Variants in GALNT17 observed in about 807,000 individuals in gnomAD.
GALNT17 encodes UDP-GalNAc:polypeptide N-acetylgalactosaminyltransferase-like 3.
In GALNT17, 29 loss-of-function variants were observed where a neutral mutation model predicts 63.7. That is an observed-to-expected ratio of 0.46 (90% CI 0.34 to 0.62). The LOEUF is 0.62. GALNT17 is among the 20% of genes least tolerant of loss of function. The probability of loss-of-function intolerance (pLI) is 0.01; values close to 1 mark genes in which losing one functional copy is unlikely to be tolerated. For synonymous variants in GALNT17, 305 were observed against 318.3 expected, an observed-to-expected ratio of 0.96 and a Z score of 0.45; for missense variants, 603 against 799.6, an observed-to-expected ratio of 0.75 and a Z score of 2.97.
At chr7:71,688,907 G>A (rs551094811) in intron 9 of GALNT17, among the ~76,000 whole-genome samples, 1 of 152,256 alleles carries the variant, frequency 6.6e-6, no homozygotes, top group South Asian at 2.1e-4. Context: ...GTGGCAACGT[G>A]ACATCGAGCA....
At chr7:71,187,360 G>C (rs1012312429) in intron 1 of GALNT17, among the ~76,000 whole-genome samples, 11 of 150,166 alleles carry the variant, frequency 7.3e-5, no homozygotes, top group African/African-American at 2.2e-4. Context: ...GGCCTCAAGC[G>C]ATCCTCCCTC....
chr7:71,398,011 G>T (rs1182463058), intron 3 of GALNT17, among the ~76,000 whole-genome samples: 1 of 151,726 alleles, frequency 6.6e-6, no homozygotes, highest in Non-Finnish European at 1.5e-5. Flanking sequence ...TGATTTCCTG[G>T]TTTTTTGCAT....
rs1475802464 is a variant in GALNT17, at chr7:71,395,364, A to G, written c.589+6963A>G. Among the ~76,000 whole-genome samples, 5 of 152,266 alleles carry G rather than the reference A, an allele frequency of 3.3e-5. No individual in the cohort carries two copies. In the East Asian group the frequency reaches 9.7e-4, roughly 29 times the overall value. On this transcript the variant is annotated intron_variant, in intron 3 of 10. Transcript: ENST00000333538. ...GTGGCCTTTTTTCCTGGCTTCTTTC[A>G]CTGAACATAATGTTTTCAAGGTTCA...
chr7:71,701,753 GTATATATATGTGTATA>G (rs1562742207), intron 9 of GALNT17, among the ~76,000 whole-genome samples: 7 of 22,162 alleles, frequency 3.2e-4, no homozygotes, highest in Non-Finnish European at 8.3e-4. Context: ...GTATATATAT[GTATATATATGTGTATA>G]TATATGTGTG....
At chr7:71,654,317 G>T (rs1053267914) in intron 6 of GALNT17, among the ~76,000 whole-genome samples, 2 of 152,184 alleles carry the variant, frequency 1.3e-5, no homozygotes, top group African/African-American at 4.8e-5. Context: ...GAGCCACTGC[G>T]CCCGGCCGGC....
intron 5 of GALNT17, among the ~76,000 whole-genome samples, chr7:71,519,954 A>G: frequency 6.6e-6 from 1 of 152,246 alleles, no homozygotes; most frequent in East Asian, 1.9e-4. Context: ...AAGAAGGTCT[A>G]AAGAAATCAG....
At chr7:71,159,265 T>G (rs1788295998) in intron 1 of GALNT17, among the ~76,000 whole-genome samples, 1 of 151,706 alleles carries the variant, frequency 6.6e-6, no homozygotes, top group Admixed American at 6.6e-5. Context: ...CTTAGGAAAG[T>G]GATGTGTCGT....
intron 1 of GALNT17, among the ~76,000 whole-genome samples, chr7:71,286,139 A>C (rs1408239725): frequency 6.6e-6 from 1 of 152,190 alleles, no homozygotes; most frequent in Non-Finnish European, 1.5e-5. Flanking sequence ...AATTTTACAG[A>C]AGCATATGAT....
At position 71,376,425 on chromosome 7, in the gene GALNT17, G is replaced by GTTTT. The variant is rs57171551; in HGVS notation, c.423-11785_423-11782dup. ...TTAATAAAACTTAAGGTTTGGAGTT[G>GTTTT]TTTTTTTTTTTTTTTTTTTTTTTTT... is the stretch of plus-strand genomic sequence containing the variant. On this transcript the variant is annotated intron_variant, in intron 2 of 10. Coordinates refer to ENST00000333538, the MANE Select transcript of GALNT17 (RefSeq NM_022479.3). Among the ~76,000 whole-genome samples, 65 of 63,356 alleles carry GTTTT rather than the reference G, an allele frequency of 1.0e-3. 1 individual carries two copies. The highest frequency in any genetic ancestry group is 1.4e-3 in the East Asian group (2 of 1,390). The allele number at this position is 63,356 out of a possible 152,430, so 41.6% of individuals were successfully genotyped here. A position where few individuals can be genotyped will look rare whatever the true frequency, so the allele number is the denominator to read the frequency against.
chr7:71,528,945 G>C (rs1449971341), intron 5 of GALNT17, among the ~76,000 whole-genome samples: 1 of 152,076 alleles, frequency 6.6e-6, no homozygotes, highest in Non-Finnish European at 1.5e-5. Context: ...GACCAACCTG[G>C]CCAACATGGT....
At chr7:71,324,349 A>G (rs958083108) in intron 1 of GALNT17, among the ~76,000 whole-genome samples, 2 of 152,102 alleles carry the variant, frequency 1.3e-5, no homozygotes, top group African/African-American at 4.8e-5. Context: ...GTCAGGAGAT[A>G]TTCAGAGTTC....
intron 1 of GALNT17, among the ~76,000 whole-genome samples, chr7:71,266,502 T>C (rs550924053): frequency 1.3e-5 from 2 of 152,324 alleles, no homozygotes; most frequent in South Asian, 2.1e-4. Context: ...TTAAGTTTCC[T>C]GAGCTTCTGC....
intron 1 of GALNT17, among the ~76,000 whole-genome samples, chr7:71,203,741 A>T (rs1303649855): frequency 6.6e-6 from 1 of 152,060 alleles, no homozygotes. Flanking sequence ...GCGAAGGGGG[A>T]GCTGGCACGT....
At chr7:71,585,638 T>A (rs563788863) in intron 6 of GALNT17, among the ~76,000 whole-genome samples, 57 of 152,254 alleles carry the variant, frequency 3.7e-4, no homozygotes, top group African/African-American at 8.9e-4. Flanking sequence ...GGTTTTTTTT[T>A]AAATAAATAT....
At chr7:71,649,735 A>G (rs921046657) in intron 6 of GALNT17, among the ~76,000 whole-genome samples, 3 of 152,218 alleles carry the variant, frequency 2.0e-5, no homozygotes, top group African/African-American at 7.2e-5. Flanking sequence ...TCAGTGTGCT[A>G]CGTGACCCTT....
intron 3 of GALNT17, among the ~76,000 whole-genome samples, chr7:71,411,705 A>G (rs1793433145): frequency 6.6e-6 from 1 of 152,120 alleles, no homozygotes; most frequent in Non-Finnish European, 1.5e-5. Context: ...CCTGCAGGAG[A>G]CAGCTGCATC....
chr7:71,684,551 G>A (rs1425925537), intron 9 of GALNT17, among the ~76,000 whole-genome samples: 4 of 152,176 alleles, frequency 2.6e-5, no homozygotes, highest in Non-Finnish European at 5.9e-5. Flanking sequence ...GTCAGGGCTG[G>A]GCTGTGTTAA....
intron 1 of GALNT17, among the ~76,000 whole-genome samples, chr7:71,165,039 A>G (rs1485878970): frequency 6.6e-6 from 1 of 152,244 alleles, no homozygotes; most frequent in Admixed American, 6.5e-5. Context: ...ACATCTTTCT[A>G]TTAGGGGAGA....
At chr7:71,626,753 A>G (rs1790381831) in intron 6 of GALNT17, among the ~76,000 whole-genome samples, 1 of 152,214 alleles carries the variant, frequency 6.6e-6, no homozygotes, top group African/African-American at 2.4e-5. Context: ...ACCACCTTTG[A>G]TTAAAGAGAA....
Sources: allele counts gnomAD v4.1 joint callset (sites outside exome capture counted in the v4.1 genomes callset), GRCh38; gene constraint gnomAD v4.1.1; transcripts MANE v1.5; gene names NCBI Gene and HGNC (gene_info 2026-07-23, HGNC 2026-07-21).